The following BPIFB3 variants were observed in gnomAD, a reference collection of about 807,000 sequenced individuals.
BPIFB3 encodes the protein BPI fold containing family B member 3.
A neutral mutation model predicts 53.1 loss-of-function variants in BPIFB3; 49 were observed. The observed-to-expected ratio is 0.92, with a 90% CI of 0.73 to 1.17. The LOEUF (loss-of-function observed/expected upper bound fraction) is 1.17, where lower values mean the gene tolerates loss of function less well. BPIFB3 is among the 50% of genes most tolerant of loss of function. The pLI, the probability that BPIFB3 is intolerant of heterozygous loss-of-function variation, is 0.00. For missense variants in BPIFB3, 628 were observed against 592.5 expected (o/e 1.06, Z -0.62); for synonymous variants, 271 against 269.6 (o/e 1.01, Z -0.05).
At chr20:33,066,463 A>C (rs1980674314) in intron 8 of BPIFB3, among the ~76,000 whole-genome samples, 1 of 152,176 alleles carries the variant, frequency 6.6e-6, no homozygotes, top group Non-Finnish European at 1.5e-5. Flanking sequence ...GGCAGAGTAA[A>C]AGGTTTTGAA....
chr20:33,064,886 C>A (rs1305900281), intron 8 of BPIFB3, 41 bp downstream of exon 9: 7 of 1,586,162 alleles, frequency 4.4e-6, no homozygotes, highest in Admixed American at 1.7e-5. Flanking sequence ...GGGCTCCTTG[C>A]CCTGCTGTGC....
At chr20:33,071,864 T>C (rs1282334728) in intron 12 of BPIFB3, among the ~76,000 whole-genome samples, 1 of 152,206 alleles carries the variant, frequency 6.6e-6, no homozygotes, top group Non-Finnish European at 1.5e-5. Flanking sequence ...AAGGCACTTC[T>C]TCCAAGCTCA....
At chr20:33,073,718 C>G, downstream of BPIFB3, 1 of 1,304,008 alleles carries the variant, frequency 7.7e-7, no homozygotes, top group South Asian at 1.3e-5. Context: ...AAAATGCCCT[C>G]TGGCCCTGAA....
chr20:33,065,426 A>C (rs1980628538), intron 8 of BPIFB3, among the ~76,000 whole-genome samples: 1 of 152,042 alleles, frequency 6.6e-6, no homozygotes, highest in African/African-American at 2.4e-5. Context: ...TGGAAGGATC[A>C]TGTGAGCCTG....
rs1980610149 is a variant in BPIFB3, at chr20:33,064,857, G to GC, written c.924+15dup. On this transcript the variant is annotated intron_variant, in intron 8 of 14. Coordinates refer to ENST00000375494, the Ensembl canonical transcript of BPIFB3. ...TCACCCCTGAGCTGGTGAGTGTGGT[G>GC]CCCGGGGGATGGGGATGGGGGCTCC... The GC allele has an allele frequency of 5.6e-6, 9 of 1,608,772 alleles. No homozygotes were observed. In the East Asian group the frequency reaches 1.6e-4, roughly 28 times the overall value.
At chr20:33,067,723 A>G (rs1397696695) in intron 9 of BPIFB3, among the ~76,000 whole-genome samples, 1 of 152,182 alleles carries the variant, frequency 6.6e-6, no homozygotes, top group Non-Finnish European at 1.5e-5. Context: ...GGGTATCCAG[A>G]AGCAGCAAGC....
At chr20:33,060,069 T>A in intron 4 of BPIFB3, 38 bp downstream of exon 5, 1 of 1,604,860 alleles carries the variant, frequency 6.2e-7, no homozygotes, top group Non-Finnish European at 8.5e-7. Flanking sequence ...CCTGACCCGC[T>A]CAGGATCATC....
chr20:33,057,504 G>T (rs1398463811), intron 2 of BPIFB3, among the ~76,000 whole-genome samples: 1 of 152,180 alleles, frequency 6.6e-6, no homozygotes, highest in Non-Finnish European at 1.5e-5. Context: ...CCTCACATAG[G>T]ATTCCAGAAG....
chr20:33,073,465 T>C, intron 14 of BPIFB3, 111 bp from the exon 16 acceptor site: 1 of 1,062,922 alleles, frequency 9.4e-7, no homozygotes, highest in Non-Finnish European at 1.4e-6. Flanking sequence ...AATGAGTGCC[T>C]GCTGTGTTCC....
chr20:33,059,589 C>T (rs1980359655), intron 3 of BPIFB3, 107 bp downstream of exon 4: 1 of 830,128 alleles, frequency 1.2e-6, no homozygotes, highest in Non-Finnish European at 2.0e-6. Flanking sequence ...CTGTATCCCC[C>T]ATTTCCTTTC....
chr20:33,059,508 C>A, intron 3 of BPIFB3, 26 bp downstream of exon 4: 1 of 1,528,728 alleles, frequency 6.5e-7, no homozygotes, highest in Non-Finnish European at 9.0e-7. Flanking sequence ...GGACCTCTAC[C>A]CTCCTGCTTC....
At chr20:33,072,604 G>C (rs1043962381) in intron 13 of BPIFB3, 113 bp from the exon 15 acceptor site, 1 of 867,064 alleles carries the variant, frequency 1.2e-6, no homozygotes, top group Non-Finnish European at 1.9e-6. Context: ...TGTGAGAAGA[G>C]AACTGGCTGG....
intron 14 of BPIFB3, among the ~76,000 whole-genome samples, chr20:33,073,338 C>T (rs1980981733): frequency 6.6e-6 from 1 of 152,140 alleles, no homozygotes; most frequent in South Asian, 2.1e-4. Flanking sequence ...GATTTCTGGC[C>T]CAAGTTCACC....
exon 11 of BPIFB3, chr20:33,069,949 T>G (rs1392867608): frequency 4.3e-6 from 7 of 1,614,070 alleles, no homozygotes; most frequent in Non-Finnish European, 5.1e-6. Flanking sequence ...TCCCTGTCCC[T>G]GGAACGGTAA....
chr20:33,060,158 T>C lies in BPIFB3; in HGVS notation c.527+127T>C. The stretch of plus-strand genomic sequence containing the variant: ...CCTGAACTCGTCCTACCCCTGCTTG[T>C]CCCGCCGGTTTCAACCCACTTCACA... On this transcript the variant is annotated intron_variant, in intron 4 of 14. Coordinates refer to ENST00000375494, the Ensembl canonical transcript of BPIFB3. 6.2e-6 allele frequency: 8 copies of C among 1,294,038 alleles called. No individual in the cohort carries two copies. In the East Asian group the frequency reaches 7.5e-5, roughly 12 times the overall value. 80.2% of individuals were successfully genotyped at this position (1,294,038 alleles called of 1,614,324 possible). A position where few individuals can be genotyped will look rare whatever the true frequency, so the allele number is the denominator to read the frequency against.
intron 12 of BPIFB3, 104 bp downstream of exon 13, chr20:33,071,399 T>A: frequency 7.6e-7 from 1 of 1,320,094 alleles, no homozygotes; most frequent in Admixed American, 2.1e-5. Flanking sequence ...TGAGCTGACC[T>A]CAGGACTGGG....
chr20:33,073,522 G>T, intron 14 of BPIFB3, 54 bp from the exon 16 acceptor site: 4 of 1,607,190 alleles, frequency 2.5e-6, no homozygotes, highest in Admixed American at 1.7e-5. Flanking sequence ...TGGCTGCAGG[G>T]ATGGGGCATT....
At chr20:33,062,306 G>C (rs372054) in intron 5 of BPIFB3, among the ~76,000 whole-genome samples, 57,732 of 151,986 alleles carry the variant, frequency 0.38, 11,261 homozygotes, top group Middle Eastern at 0.46. Flanking sequence ...CTGCACTCGA[G>C]AGAGCTGGTC....
intron 8 of BPIFB3, among the ~76,000 whole-genome samples, chr20:33,066,565 G>A (rs1980679049): frequency 6.6e-6 from 1 of 152,124 alleles, no homozygotes; most frequent in African/African-American, 2.4e-5. Flanking sequence ...GTTAAATGAG[G>A]GCAATGGTAG....
Sources: gnomAD v4.1 joint callset for allele counts (sites outside exome capture counted in the v4.1 genomes callset) on GRCh38, gnomAD v4.1.1 for gene constraint, MANE v1.5 for transcripts, NCBI Gene and HGNC (gene_info 2026-07-23, HGNC 2026-07-21) for gene names.